Variants in RANBP2 observed in about 807,000 individuals in gnomAD.
RANBP2 encodes RAN binding protein 2, also known as E3 SUMO-protein ligase RanBP2.
In RANBP2, 57 loss-of-function variants were observed where a neutral mutation model predicts 303.6. That is an observed-to-expected ratio of 0.19 (90% confidence interval 0.15 to 0.23). The LOEUF is 0.23. Ranked by LOEUF, RANBP2 falls within the 10% of genes least tolerant of loss-of-function variation. The pLI, the probability that RANBP2 is intolerant of heterozygous loss-of-function variation, is 1.00. For synonymous variants in RANBP2, 1,167 were observed against 1,301.5 expected, an observed-to-expected ratio of 0.90 and a Z score of 2.23; for missense variants, 3,138 against 3,780.8, an observed-to-expected ratio of 0.83 and a Z score of 4.46.
the RANBP2 span, among the ~76,000 whole-genome samples, chr2:109,239,821 C>A: frequency 6.6e-6 from 1 of 152,204 alleles, no homozygotes; most frequent in Non-Finnish European, 1.5e-5. Context: ...TGCCTTTCAT[C>A]CCCACAGCTC....
At chr2:109,270,348 C>T in the RANBP2 span, among the ~76,000 whole-genome samples, 3,327 of 152,266 alleles carry the variant, frequency 0.022, 121 homozygotes, top group African/African-American at 0.074. Context: ...CATTCAGAGT[C>T]AGAAAGCTGC....
chr2:109,125,455 C>T, the RANBP2 span, among the ~76,000 whole-genome samples: 1 of 152,216 alleles, frequency 6.6e-6, no homozygotes, highest in African/African-American at 2.4e-5. Context: ...CCCTGTGTTC[C>T]TTCAACTGAA....
chr2:109,720,262 TACACACACACATACACTCACAC>T, the RANBP2 span, among the ~76,000 whole-genome samples: 2 of 150,120 alleles, frequency 1.3e-5, no homozygotes, highest in African/African-American at 2.4e-5. Context: ...TCAATCTTTA[TACACACACACATACACTCACAC>T]ACACACACAC....
chr2:108,983,203 C>A, the RANBP2 span, among the ~76,000 whole-genome samples: 2 of 152,184 alleles, frequency 1.3e-5, no homozygotes, highest in Non-Finnish European at 2.9e-5. Context: ...CCAAAGTGTA[C>A]ACTCTGATTT....
the RANBP2 span, among the ~76,000 whole-genome samples, chr2:109,525,148 T>C: frequency 6.6e-6 from 1 of 151,796 alleles, no homozygotes; most frequent in South Asian, 2.1e-4. Flanking sequence ...TTTTTGTTTT[T>C]GTTTTTGTTT....
the RANBP2 span, chr2:109,593,037 A>G: frequency 6.4e-7 from 1 of 1,553,794 alleles, no homozygotes; most frequent in Non-Finnish European, 8.7e-7. Context: ...TATCTATTTA[A>G]AAGACATACT....
At chr2:109,211,709 A>G in the RANBP2 span, among the ~76,000 whole-genome samples, 1 of 150,556 alleles carries the variant, frequency 6.6e-6, no homozygotes, top group African/African-American at 2.5e-5. Context: ...CAATGGTGCA[A>G]TCTTGGCTCA....
At chr2:109,355,260 A>C in the RANBP2 span, among the ~76,000 whole-genome samples, 4 of 152,246 alleles carry the variant, frequency 2.6e-5, no homozygotes, top group African/African-American at 9.6e-5. Context: ...TTGTGGAAAC[A>C]AGTTTCATTC....
the RANBP2 span, among the ~76,000 whole-genome samples, chr2:109,172,145 C>T: frequency 5.9e-5 from 9 of 152,188 alleles, no homozygotes; most frequent in African/African-American, 7.2e-5. Flanking sequence ...GAGCAGGTCT[C>T]CCGGAGCCAT....
chr2:109,498,931 C>T, the RANBP2 span, among the ~76,000 whole-genome samples: 9 of 152,264 alleles, frequency 5.9e-5, no homozygotes, highest in East Asian at 1.4e-3. Context: ...CCTGGGGTCG[C>T]TAGGGCGCGG....
the RANBP2 span, among the ~76,000 whole-genome samples, chr2:109,329,521 T>TC: frequency 6.6e-6 from 1 of 152,056 alleles, no homozygotes; most frequent in East Asian, 1.9e-4. Context: ...ACTGAACACA[T>TC]CCCCCCATTC....
At chr2:109,365,156 G>T in the RANBP2 span, among the ~76,000 whole-genome samples, 3 of 152,210 alleles carry the variant, frequency 2.0e-5, no homozygotes, top group Non-Finnish European at 2.9e-5. Context: ...GCTCTGGCAT[G>T]TTTCACAGTG....
At chr2:109,437,009 C>G in the RANBP2 span, 1 of 1,613,910 alleles carries the variant, frequency 6.2e-7, no homozygotes. Context: ...AGCCTGGCCA[C>G]TGCCACCAGG....
the RANBP2 span, among the ~76,000 whole-genome samples, chr2:109,487,646 C>A: frequency 6.6e-6 from 1 of 152,190 alleles, no homozygotes; most frequent in Non-Finnish European, 1.5e-5. Flanking sequence ...CATATACTCT[C>A]AGCAGCTGGG....
chr2:108,768,425 C>T, intron 20 of RANBP2, 37 bp downstream of exon 20: 1 of 1,608,274 alleles, frequency 6.2e-7, no homozygotes, highest in Admixed American at 1.7e-5. Context: ...CACAATTTTT[C>T]TTTCTTTTAA....
chr2:109,421,530 C>A, the RANBP2 span, among the ~76,000 whole-genome samples: 1 of 152,206 alleles, frequency 6.6e-6, no homozygotes, highest in South Asian at 2.1e-4. Context: ...ATGGACAAAC[C>A]TCCATGTCCT....
chr2:108,751,138 C>T, intron 9 of RANBP2, 126 bp from the exon 10 acceptor site: 2 of 1,500,946 alleles, frequency 1.3e-6, no homozygotes, highest in South Asian at 2.5e-5. Context: ...GAATTCCCTT[C>T]AGCTTTGATA....
At chr2:109,046,037 T>G in the RANBP2 span, among the ~76,000 whole-genome samples, 16 of 152,172 alleles carry the variant, frequency 1.1e-4, no homozygotes, top group East Asian at 3.9e-4. Context: ...GGGCATGGTG[T>G]CTCACACCTG....
chr2:109,494,566 T>C, the RANBP2 span, among the ~76,000 whole-genome samples: 5 of 152,248 alleles, frequency 3.3e-5, no homozygotes, highest in East Asian at 7.8e-4. Context: ...AGGCTTACTT[T>C]GGAGGAGGAG....
Sources: gnomAD v4.1 joint callset for allele counts (sites outside exome capture counted in the v4.1 genomes callset) on GRCh38, gnomAD v4.1.1 for gene constraint, MANE v1.5 for transcripts, NCBI Gene and HGNC (gene_info 2026-07-23, HGNC 2026-07-21) for gene names.